The following TOP1 variants were observed in gnomAD, a reference collection of about 807,000 sequenced individuals.
TOP1 encodes DNA topoisomerase I, also known as DNA topoisomerase 1.
A neutral mutation model predicts 111.1 loss-of-function variants in TOP1; 10 were observed. The ratio of observed to expected loss-of-function variants is 0.09; its 90% CI spans 0.06 to 0.15. The LOEUF is 0.15. Among genes scored for constraint, TOP1 ranks in the 10% least tolerant of loss-of-function variants. The pLI, the probability that TOP1 is intolerant of heterozygous loss-of-function variation, is 1.00. For synonymous variants in TOP1, 271 were observed against 302.9 expected (o/e 0.89, Z 1.10); for missense variants, 474 against 926.7 (o/e 0.51, Z 6.34).
Position 41,029,582 on chromosome 20 carries a change from G to A in TOP1, c.58+127G>A, listed in dbSNP as rs1402113206. On this transcript the variant is annotated intron_variant, in intron 2 of 20. Transcript: ENST00000361337. The surrounding 1 kb of genome is among the most constrained non-coding windows in gnomAD (Gnocchi z 6.1). Reference sequence around the variant, plus strand: ...ACTAAGTCCCGGCTCCTCGCTCACCGGCCCCATTGTTCCCATCGGGCCGCC... The same window carrying A: ...ACTAAGTCCCGGCTCCTCGCTCACCAGCCCCATTGTTCCCATCGGGCCGCC... 3.8e-6 allele frequency: 3 copies of A among 781,106 alleles called. No individual in the cohort carries two copies. The highest frequency in any genetic ancestry group is 2.9e-5 in the East Asian group (1 of 35,086). The allele number at this position is 781,106 out of a possible 1,614,324, so 48.4% of individuals were successfully genotyped here.
At chr20:41,039,798 T>C (rs1234311014) in intron 2 of TOP1, among the ~76,000 whole-genome samples, 1 of 152,000 alleles carries the variant, frequency 6.6e-6, no homozygotes, top group Non-Finnish European at 1.5e-5. Flanking sequence ...GTCCAGCTAC[T>C]TGGGAGGCTG....
Position 41,116,430 on chromosome 20 carries a change from C to T in TOP1, c.1822+38C>T, listed in dbSNP as rs1200265441. 3 of 1,501,034 alleles carry T rather than the reference C, an allele frequency of 2.0e-6. No individual in the cohort carries two copies. Among genetic ancestry groups the T allele is most frequent in the East Asian group, 2.3e-5 (1 of 44,286 alleles). The allele number at this position is 1,501,034 out of a possible 1,614,324, so 93.0% of individuals were successfully genotyped here. The stretch of plus-strand genomic sequence containing the variant: ...TGGCCAGATAGGGCCCACACCCCTA[C>T]TAATGGTATCCGGTGACCTTGCTTA... On this transcript the variant is annotated intron_variant, in intron 17 of 20. Transcript: ENST00000361337. The surrounding 1 kb of genome is among the most constrained non-coding windows in gnomAD (Gnocchi z 5.6).
rs567508580 is a variant in TOP1 at position 41,100,759 on chromosome 20, A to T, written c.1164-450A>T. ...GTGCAGCTTCTGTATGGCATATCCAAATTGCCAACATCACCACTTTCACAC... is the reference window on the plus strand; with the variant it reads ...GTGCAGCTTCTGTATGGCATATCCATATTGCCAACATCACCACTTTCACAC... On this transcript the variant is annotated intron_variant, in intron 12 of 20. Transcript: ENST00000361337. The surrounding 1 kb of genome is among the most constrained non-coding windows in gnomAD (Gnocchi z 4.4). 3.7e-5 allele frequency: 6 copies of T among 164,062 alleles called. No individual in the cohort carries two copies. The highest frequency in any genetic ancestry group is 5.8e-5 in the Admixed American group (1 of 17,120). 10.2% of individuals were successfully genotyped at this position (164,062 alleles called of 1,614,324 possible).
intron 2 of TOP1, among the ~76,000 whole-genome samples, chr20:41,057,165 C>CTGA: frequency 6.6e-6 from 1 of 152,130 alleles, no homozygotes; most frequent in East Asian, 1.9e-4. Flanking sequence ...ACTCGGGAGG[C>CTGA]TGAGGCAGGA....
rs375207639 is a variant in TOP1, at chr20:41,042,259, G to A, written c.58+12804G>A. Reference sequence around the variant, plus strand: ...ACCAGAACAGTATTTTTTAATATATGTTTATAAAAGCTTGATACTTCACTC... The same window carrying A: ...ACCAGAACAGTATTTTTTAATATATATTTATAAAAGCTTGATACTTCACTC... On this transcript the variant is annotated intron_variant, in intron 2 of 20. Coordinates refer to ENST00000361337, the MANE Select transcript of TOP1 (RefSeq NM_003286.4). 1.2e-4 allele frequency among the ~76,000 whole-genome samples: 18 copies of A among 152,246 alleles called. No homozygotes were observed. The East Asian group carries it at 1.7e-3, about 15-fold the overall frequency.
intron 2 of TOP1, among the ~76,000 whole-genome samples, chr20:41,060,742 A>G (rs939202565): frequency 1.3e-5 from 2 of 152,210 alleles, no homozygotes; most frequent in African/African-American, 4.8e-5. Flanking sequence ...CAGTATTTGC[A>G]TATAACCTAC....
chr20:41,046,426 T>C lies in TOP1; in HGVS notation c.59-14968T>C, dbSNP rs2033335056. Reference sequence around the variant, plus strand: ...AGGTAAAGGGGGACCTGGGGTGACTTAGTTGCCTCCTGAGAATTCTGGGCT... The same window carrying C: ...AGGTAAAGGGGGACCTGGGGTGACTCAGTTGCCTCCTGAGAATTCTGGGCT... On this transcript the variant is annotated intron_variant, in intron 2 of 20. Coordinates refer to ENST00000361337, the MANE Select transcript of TOP1 (RefSeq NM_003286.4). This position sits in a 1 kb window ranked among gnomAD's most constrained non-coding sequence, Gnocchi z 4.3. Among the ~76,000 whole-genome samples, 1 of 152,210 alleles carries C rather than the reference T, an allele frequency of 6.6e-6. No homozygotes were observed. The highest frequency in any genetic ancestry group is 1.5e-5 in the Non-Finnish European group (1 of 68,028).
intron 2 of TOP1, among the ~76,000 whole-genome samples, chr20:41,038,176 T>A (rs1013823665): frequency 6.6e-6 from 1 of 152,124 alleles, no homozygotes; most frequent in Non-Finnish European, 1.5e-5. Flanking sequence ...CAACCCCCTC[T>A]ACATCCCCAC....
chr20:41,050,660 A>T (rs1312216796), intron 2 of TOP1, among the ~76,000 whole-genome samples: 1 of 152,152 alleles, frequency 6.6e-6, no homozygotes, highest in East Asian at 1.9e-4. Context: ...ACAGTTGGGG[A>T]ATACTTGTTT....
At chr20:41,050,905 T>G (rs1374043252) in intron 2 of TOP1, among the ~76,000 whole-genome samples, 1 of 152,160 alleles carries the variant, frequency 6.6e-6, no homozygotes. Context: ...GTTGATTTTT[T>G]TAAAACTTCT....
intron 2 of TOP1, among the ~76,000 whole-genome samples, chr20:41,031,852 A>G (rs1415306943): frequency 6.6e-6 from 1 of 152,106 alleles, no homozygotes; most frequent in African/African-American, 2.4e-5. Flanking sequence ...AAAGGAGAGA[A>G]GGAAGGATTT....
At chr20:41,086,175 A>G (rs1337662224) in intron 8 of TOP1, among the ~76,000 whole-genome samples, 1 of 151,272 alleles carries the variant, frequency 6.6e-6, no homozygotes, top group Non-Finnish European at 1.5e-5. Flanking sequence ...AGGCAGGAGA[A>G]TTGCTTGAAC....
chr20:41,116,263 C>T lies in TOP1; in HGVS notation c.1708-15C>T, dbSNP rs938299315. On this transcript the variant is annotated splice_polypyrimidine_tract_variant and intron_variant, in intron 16 of 20. Transcript: ENST00000361337. The surrounding 1 kb of genome is among the most constrained non-coding windows in gnomAD (Gnocchi z 5.6). ...GTATAGCTTTGACCTAAATCTGTTG[C>T]TTTGTCTCCTCCAGACTGGTATTCT... 12 of 1,587,514 alleles carry T rather than the reference C, an allele frequency of 7.6e-6. No homozygotes were observed. The highest frequency in any genetic ancestry group is 4.5e-4 in the Middle Eastern group (2 of 4,470).
In TOP1 at chr20:41,079,486, G is replaced by A. The variant is rs1034886832; in HGVS notation, c.336-599G>A. The stretch of plus-strand genomic sequence containing the variant: ...ATATAAAGTAAACCTAAGTTAGGAC[G>A]TTGAACAATGAATAGATTTGGCATA... On this transcript the variant is annotated intron_variant, in intron 5 of 20. Coordinates refer to ENST00000361337, the MANE Select transcript of TOP1 (RefSeq NM_003286.4). This position sits in a 1 kb window ranked among gnomAD's most constrained non-coding sequence, Gnocchi z 4.0. Among the ~76,000 whole-genome samples, 1 of 152,226 alleles carries A rather than the reference G, an allele frequency of 6.6e-6. No homozygotes were observed. Among genetic ancestry groups the A allele is most frequent in the Non-Finnish European group, 1.5e-5 (1 of 68,040 alleles).
intron 9 of TOP1, among the ~76,000 whole-genome samples, chr20:41,093,065 AC>A (rs2033939423): frequency 6.6e-6 from 1 of 152,194 alleles, no homozygotes; most frequent in Non-Finnish European, 1.5e-5. Context: ...GGCATCTGTC[AC>A]CTATTCTGTG....
rs1476377388 is a variant in TOP1 at position 41,028,852 on chromosome 20, C to T, written c.-216C>T. 3 of 547,648 alleles carry T rather than the reference C, an allele frequency of 5.5e-6. No homozygotes were observed. The highest frequency in any genetic ancestry group is 9.6e-6 in the Non-Finnish European group (3 of 311,560). The allele number at this position is 547,648 out of a possible 1,614,324, so 33.9% of individuals were successfully genotyped here. ...GCGAACTTAGGCTGTTACACAACTG[C>T]TGGGGTCTGTTCTCGCCGCCCGCCC... On this transcript the variant is annotated 5_prime_UTR_variant, in exon 1 of 21. Coordinates refer to ENST00000361337, the MANE Select transcript of TOP1 (RefSeq NM_003286.4).
chr20:41,116,149 C>G lies in TOP1; in HGVS notation c.1708-129C>G. The G allele has an allele frequency of 1.6e-6, 1 of 618,188 alleles. No homozygotes were observed. Among genetic ancestry groups the G allele is most frequent in the East Asian group, 2.8e-5 (1 of 36,152 alleles). The allele number at this position is 618,188 out of a possible 1,614,324, so 38.3% of individuals were successfully genotyped here. ...ATTCTGGAATTCTTTTCCTCTTTCC[C>G]TAACTTCCCACTTGTAGGGCAATAA... On this transcript the variant is annotated intron_variant, in intron 16 of 20. Coordinates refer to ENST00000361337, the MANE Select transcript of TOP1 (RefSeq NM_003286.4). This position sits in a 1 kb window ranked among gnomAD's most constrained non-coding sequence, Gnocchi z 5.6.
intron 18 of TOP1, among the ~76,000 whole-genome samples, chr20:41,120,872 G>A (rs866695005): frequency 3.9e-5 from 6 of 152,246 alleles, no homozygotes; most frequent in Middle Eastern, 6.8e-3. Flanking sequence ...CTCCCGAGTA[G>A]CTGGGACTAC....
Position 41,109,229 on chromosome 20 carries a change from GT to G in TOP1, c.1309-3551del, listed in dbSNP as rs914680199. On this transcript the variant is annotated intron_variant, in intron 13 of 20. Transcript: ENST00000361337. The surrounding 1 kb of genome is among the most constrained non-coding windows in gnomAD (Gnocchi z 4.1). ...TCTTGGGAAGCTCTCATTTTGGTGA[GT>G]TCTATTAGAGAAAATAAGACACAAG... Among the ~76,000 whole-genome samples the G allele has an allele frequency of 1.3e-5, 2 of 152,146 alleles. No individual in the cohort carries two copies. Among genetic ancestry groups the G allele is most frequent in the African/African-American group, 4.8e-5 (2 of 41,426 alleles).
Sources: allele counts gnomAD v4.1 joint callset (sites outside exome capture counted in the v4.1 genomes callset), GRCh38; gene constraint gnomAD v4.1.1; non-coding constraint Gnocchi (gnomAD v3.1); transcripts MANE v1.5; gene names NCBI Gene and HGNC (gene_info 2026-07-23, HGNC 2026-07-21).